TNFSF4: variants seen among roughly 807,000 people sequenced by gnomAD.
TNFSF4 encodes the protein TNF superfamily member 4.
Under a neutral mutation model 7.3 loss-of-function variants are expected in TNFSF4, and 4 were observed. The ratio of observed to expected loss-of-function variants is 0.55; its 90% CI spans 0.27 to 1.25. The LOEUF is 1.25. Among genes scored for constraint, TNFSF4 ranks in the 50% most tolerant of loss-of-function variants. The probability of loss-of-function intolerance (pLI) is 0.12; values close to 1 mark genes in which losing one functional copy is unlikely to be tolerated. For missense variants in TNFSF4, 181 were observed against 208.8 expected (o/e 0.87, Z 0.82); for synonymous variants, 76 against 83.7 (o/e 0.91, Z 0.50).
the TNFSF4 span, among the ~76,000 whole-genome samples, chr1:173,302,887 CA>C: frequency 6.6e-6 from 1 of 151,734 alleles, no homozygotes; most frequent in Admixed American, 6.6e-5. Flanking sequence ...CTTTGAAAAA[CA>C]GTTTTAAGAT....
At chr1:173,352,295 G>C in the TNFSF4 span, among the ~76,000 whole-genome samples, 1 of 152,218 alleles carries the variant, frequency 6.6e-6, no homozygotes, top group Non-Finnish European at 1.5e-5. Context: ...GACCATGTTA[G>C]TCAAAAGTCA....
At chr1:173,314,920 C>A in the TNFSF4 span, among the ~76,000 whole-genome samples, 440 of 152,138 alleles carry the variant, frequency 2.9e-3, 2 homozygotes, top group African/African-American at 9.6e-3. Flanking sequence ...CGAACATTAG[C>A]TATGGCCACA....
At chr1:173,377,371 C>T in the TNFSF4 span, among the ~76,000 whole-genome samples, 5 of 152,140 alleles carry the variant, frequency 3.3e-5, no homozygotes, top group African/African-American at 7.2e-5. Flanking sequence ...TAACAACCCC[C>T]GAGCCAGATT....
chr1:173,439,991 T>C, the TNFSF4 span, among the ~76,000 whole-genome samples: 1 of 152,258 alleles, frequency 6.6e-6, no homozygotes, highest in Admixed American at 6.5e-5. Flanking sequence ...CTGGAGTGTC[T>C]GGCTCCCAAG....
At chr1:173,294,033 G>C in the TNFSF4 span, among the ~76,000 whole-genome samples, 1 of 152,036 alleles carries the variant, frequency 6.6e-6, no homozygotes, top group African/African-American at 2.4e-5. Flanking sequence ...AGCCACTGTG[G>C]AAAGCAATTT....
Position 173,207,240 on chromosome 1 carries a change from G to T in TNFSF4, c.-64C>A. On this transcript the variant is annotated 5_prime_UTR_variant, in exon 1 of 3. Transcript: ENST00000281834. ...AAGGGGAACGTGCGATAAAACTGAAGTTTTCCCCAGAAAGAAGGAGGTAAA... is the reference window on the plus strand; with the variant it reads ...AAGGGGAACGTGCGATAAAACTGAATTTTTCCCCAGAAAGAAGGAGGTAAA... 6.7e-7 allele frequency: 1 copy of T among 1,500,862 alleles called. No individual in the cohort carries two copies. Among genetic ancestry groups the T allele is most frequent in the South Asian group, 1.3e-5 (1 of 79,940 alleles). 93.0% of individuals were successfully genotyped at this position (1,500,862 alleles called of 1,614,324 possible).
At chr1:173,211,110 C>G (rs1650361213), upstream of TNFSF4, among the ~76,000 whole-genome samples, 1 of 152,164 alleles carries the variant, frequency 6.6e-6, no homozygotes, top group Non-Finnish European at 1.5e-5. Context: ...AGGGAGGACA[C>G]AAATGGAGAA....
chr1:173,318,194 A>G, the TNFSF4 span, among the ~76,000 whole-genome samples: 1 of 152,216 alleles, frequency 6.6e-6, no homozygotes, highest in Non-Finnish European at 1.5e-5. Context: ...TAATCCCAGC[A>G]CTTTGGGAGG....
chr1:173,428,613 T>C, the TNFSF4 span, among the ~76,000 whole-genome samples: 1 of 152,282 alleles, frequency 6.6e-6, no homozygotes, highest in Non-Finnish European at 1.5e-5. Flanking sequence ...ATGATATTAA[T>C]GAATTATTGC....
chr1:173,192,877 AAT>A (rs1170597618), intron 1 of TNFSF4, among the ~76,000 whole-genome samples: 1 of 152,220 alleles, frequency 6.6e-6, no homozygotes, highest in Non-Finnish European at 1.5e-5. Context: ...TGAATGAAAT[AAT>A]ATATGTCAGT....
chr1:173,330,940 A>G, the TNFSF4 span, among the ~76,000 whole-genome samples: 5 of 147,270 alleles, frequency 3.4e-5, no homozygotes, highest in African/African-American at 1.3e-4. Context: ...GCTGGAGTGC[A>G]ATGGCGCGAT....
the TNFSF4 span, among the ~76,000 whole-genome samples, chr1:173,431,820 A>G: frequency 6.6e-6 from 1 of 152,202 alleles, no homozygotes; most frequent in East Asian, 1.9e-4. Context: ...CTCCTTGGTG[A>G]CAGGTCATGT....
chr1:173,209,841 T>A (rs933886685), upstream of TNFSF4, among the ~76,000 whole-genome samples: 5 of 152,110 alleles, frequency 3.3e-5, no homozygotes, highest in African/African-American at 1.2e-4. Flanking sequence ...ATTAAATACA[T>A]AAGCACACCA....
the TNFSF4 span, among the ~76,000 whole-genome samples, chr1:173,275,359 A>G: frequency 1.8e-4 from 27 of 152,130 alleles, no homozygotes; most frequent in African/African-American, 6.0e-4. Context: ...TTTTTCAAGA[A>G]ACAAATCTAC....
chr1:173,302,346 A>C, the TNFSF4 span, among the ~76,000 whole-genome samples: 1 of 151,954 alleles, frequency 6.6e-6, no homozygotes, highest in South Asian at 2.1e-4. Flanking sequence ...AGAAGAAGAC[A>C]CTGATTGTAG....
chr1:173,217,613 T>TATAAAA, the TNFSF4 span, among the ~76,000 whole-genome samples: 20 of 152,338 alleles, frequency 1.3e-4, no homozygotes, highest in Admixed American at 1.1e-3. Flanking sequence ...ACATTATAAA[T>TATAAAA]TTTTTCAGAG....
chr1:173,426,198 G>T, the TNFSF4 span, among the ~76,000 whole-genome samples: 1 of 152,134 alleles, frequency 6.6e-6, no homozygotes, highest in Non-Finnish European at 1.5e-5. Context: ...ATAGGGAGTG[G>T]GGCTCAAGTC....
chr1:173,244,409 G>A, the TNFSF4 span, among the ~76,000 whole-genome samples: 30 of 152,072 alleles, frequency 2.0e-4, no homozygotes, highest in South Asian at 6.0e-3. Context: ...TTGGGAGGCC[G>A]AGGTGGGCGG....
the TNFSF4 span, among the ~76,000 whole-genome samples, chr1:173,429,863 A>C: frequency 6.6e-6 from 1 of 152,224 alleles, no homozygotes; most frequent in African/African-American, 2.4e-5. Flanking sequence ...GTCATAGCAA[A>C]TGTAGCAGCT....
Sources: gnomAD v4.1 joint callset for allele counts (sites outside exome capture counted in the v4.1 genomes callset) on GRCh38, gnomAD v4.1.1 for gene constraint, MANE v1.5 for transcripts, NCBI Gene and HGNC (gene_info 2026-07-23, HGNC 2026-07-21) for gene names.